MAN1C1: variants seen among roughly 807,000 people sequenced by gnomAD.
MAN1C1 encodes mannosyl-oligosaccharide 1,2-alpha-mannosidase IC.
In MAN1C1, 49 loss-of-function variants were observed where a neutral mutation model predicts 71.5. That is an observed-to-expected ratio of 0.69 (90% CI 0.54 to 0.87). The LOEUF (loss-of-function observed/expected upper bound fraction) is 0.87, where lower values mean the gene tolerates loss of function less well. Among genes scored for constraint, MAN1C1 ranks in the 40% least tolerant of loss-of-function variants. MAN1C1 has a pLI of 0.00. For missense variants in MAN1C1, 743 were observed against 835.0 expected, an observed-to-expected ratio of 0.89 and a Z score of 1.36; for synonymous variants, 352 against 343.7, an observed-to-expected ratio of 1.02 and a Z score of -0.27.
chr1:25,778,107 GAT>G lies in MAN1C1; in HGVS notation c.1262_1263del (p.Ile421ArgfsTer78), dbSNP rs1232914660. 6.5e-7 allele frequency: 1 copy of G among 1,548,140 alleles called. No homozygotes were observed. Among genetic ancestry groups the G allele is most frequent in the Non-Finnish European group, 8.8e-7 (1 of 1,141,936 alleles). On this transcript the variant is annotated frameshift_variant, in exon 9 of 12. Transcript: ENST00000374332. LOFTEE classifies it high-confidence loss of function. The surrounding 1 kb of genome is among the most constrained non-coding windows in gnomAD (Gnocchi z 5.5). Reference sequence around the variant, plus strand: ...CCCAATCCCCACCTTGCTCCCAGGCGATAGAGACCTACTTGCTGAATGTCTCT... The same window carrying G: ...CCCAATCCCCACCTTGCTCCCAGGCGAGAGACCTACTTGCTGAATGTCTCT... ...KNMYYEALEA[I>X]ETYLLNVSPG...
chr1:25,687,900 TTTC>T (rs1221304655), intron 2 of MAN1C1, among the ~76,000 whole-genome samples: 1 of 152,212 alleles, frequency 6.6e-6, no homozygotes, highest in African/African-American at 2.4e-5. Context: ...TTCTCAATCT[TTTC>T]TTCTTTCTGC....
At chr1:25,774,892 T>G (rs189083059) in intron 8 of MAN1C1, among the ~76,000 whole-genome samples, 377 of 152,288 alleles carry the variant, frequency 2.5e-3, no homozygotes, top group Non-Finnish European at 4.2e-3. Context: ...GATTTAAACC[T>G]TTTACCAGTC....
rs1311001014 is a variant in MAN1C1 at position 25,618,124 on chromosome 1, G to A, written c.327G>A (p.Leu109=). 8 of 1,516,066 alleles carry A rather than the reference G, an allele frequency of 5.3e-6. No homozygotes were observed. In the Admixed American group the frequency reaches 6.7e-5, roughly 13 times the overall value. The allele number at this position is 1,516,066 out of a possible 1,614,324, so 93.9% of individuals were successfully genotyped here. A position where few individuals can be genotyped will look rare whatever the true frequency, so the allele number is the denominator to read the frequency against. ...GTCCCCGCCGCAGGAAAGGGGGGCTGCGGCGCACCCGCCCCACTGGACCCC... is the reference window on the plus strand; with the variant it reads ...GTCCCCGCCGCAGGAAAGGGGGGCTACGGCGCACCCGCCCCACTGGACCCC... ...WASPRRRKGG[L]RRTRPTGPRE... is the part of the protein sequence containing the mutation. Residue 109 remains leucine (L), a synonymous_variant, in exon 1 of 12, where the codon CTG becomes CTA. Transcript: ENST00000374332.
At chr1:25,707,848 CCT>C (rs2046545431) in intron 2 of MAN1C1, among the ~76,000 whole-genome samples, 1 of 152,262 alleles carries the variant, frequency 6.6e-6, no homozygotes, top group South Asian at 2.1e-4. Context: ...GGGCCTGTAG[CCT>C]CTGTTTAGTC....
chr1:25,677,421 C>G (rs1557760917), intron 1 of MAN1C1, among the ~76,000 whole-genome samples: 2 of 151,960 alleles, frequency 1.3e-5, no homozygotes, highest in African/African-American at 2.4e-5. Flanking sequence ...GACACACACA[C>G]ACACACACAC....
intron 2 of MAN1C1, among the ~76,000 whole-genome samples, chr1:25,704,928 C>T (rs989174064): frequency 3.3e-5 from 5 of 152,228 alleles, no homozygotes; most frequent in African/African-American, 9.6e-5. Flanking sequence ...TTTTTAAGCT[C>T]CTCTCCTCCA....
chr1:25,751,248 T>A (rs902420743), intron 4 of MAN1C1, among the ~76,000 whole-genome samples: 2 of 152,108 alleles, frequency 1.3e-5, no homozygotes, highest in African/African-American at 4.8e-5. Context: ...CATCCATCTT[T>A]TCTTCTGTCC....
chr1:25,729,205 A>G (rs976336333), intron 2 of MAN1C1, among the ~76,000 whole-genome samples: 4 of 151,784 alleles, frequency 2.6e-5, no homozygotes, highest in African/African-American at 9.7e-5. Context: ...CCCGAAACCT[A>G]TGCTCCTCCC....
At chr1:25,669,887 G>A (rs1413045402) in intron 1 of MAN1C1, among the ~76,000 whole-genome samples, 1 of 152,142 alleles carries the variant, frequency 6.6e-6, no homozygotes, top group Non-Finnish European at 1.5e-5. Context: ...CATGAATGTT[G>A]GTAGTTCTCA....
intron 2 of MAN1C1, among the ~76,000 whole-genome samples, chr1:25,707,955 C>T (rs2046547209): frequency 1.3e-5 from 2 of 152,192 alleles, no homozygotes; most frequent in African/African-American, 4.8e-5. Flanking sequence ...TGTCAGAAGT[C>T]ATGAACTGGC....
intron 2 of MAN1C1, among the ~76,000 whole-genome samples, chr1:25,701,698 G>A (rs558605530): frequency 7.9e-5 from 12 of 152,334 alleles, no homozygotes; most frequent in South Asian, 4.1e-4. Flanking sequence ...TTCAAAGGGC[G>A]TGCGATGTGC....
chr1:25,720,286 A>G (rs2046746167), intron 2 of MAN1C1, among the ~76,000 whole-genome samples: 1 of 151,062 alleles, frequency 6.6e-6, no homozygotes, highest in South Asian at 2.1e-4. Flanking sequence ...ATCTCGGCTC[A>G]CTGCAACCTC....
rs749580897 is a variant in MAN1C1 at position 25,778,131 on chromosome 1, C to G, written c.1284C>G (p.Val428=). 2 of 1,575,992 alleles carry G rather than the reference C, an allele frequency of 1.3e-6. No homozygotes were observed. The highest frequency in any genetic ancestry group is 2.3e-5 in the South Asian group (2 of 87,136). Residue 428 remains valine, a synonymous_variant, in exon 9 of 12, where the codon GTC becomes GTG. Transcript: ENST00000374332. This position sits in a 1 kb window ranked among gnomAD's most constrained non-coding sequence, Gnocchi z 5.5. Reference sequence around the variant, plus strand: ...CGATAGAGACCTACTTGCTGAATGTCTCTCCCGGGGGGCTGACCTACATTG... The same window carrying G: ...CGATAGAGACCTACTTGCTGAATGTGTCTCCCGGGGGGCTGACCTACATTG... ...LEAIETYLLN[V]SPGGLTYIAE...
Position 25,783,663 on chromosome 1 carries a change from G to A in MAN1C1, c.1767G>A (p.Lys589=). Residue 589 remains lysine (K), a splice_region_variant and synonymous_variant, in exon 12 of 12, where the codon AAG becomes AAA. Coordinates refer to ENST00000374332, the MANE Select transcript of MAN1C1 (RefSeq NM_020379.4). ...CTTCCCTGCCCTGCGTGGGGCACAG[G>A]TATCTCTATCTTCTGTTCTCTGAAG... is the stretch of plus-strand genomic sequence containing the variant. The part of the protein sequence containing the change: ...QQSFFLAETL[K]YLYLLFSEDD... 4 of 1,611,914 alleles carry A rather than the reference G, an allele frequency of 2.5e-6. No individual in the cohort carries two copies. Among genetic ancestry groups the A allele is most frequent in the South Asian group, 1.1e-5 (1 of 91,072 alleles).
intron 6 of MAN1C1, 40 bp from the exon 7 acceptor site, chr1:25,763,834 C>T (rs142830161): frequency 1.0e-5 from 16 of 1,561,800 alleles, no homozygotes; most frequent in Non-Finnish European, 1.4e-5. Flanking sequence ...TCGGCTTCTT[C>T]GGAAGCATGA....
intron 2 of MAN1C1, among the ~76,000 whole-genome samples, 153 bp downstream of exon 2, chr1:25,686,689 C>T (rs2046236277): frequency 6.6e-6 from 1 of 152,166 alleles, no homozygotes; most frequent in African/African-American, 2.4e-5. Context: ...TTCCTCTGGG[C>T]TTTTCAGGCT....
intron 4 of MAN1C1, among the ~76,000 whole-genome samples, chr1:25,750,439 CAA>C (rs34187794): frequency 0.54 from 81,791 of 151,612 alleles, 24,131 homozygotes; most frequent in Middle Eastern, 0.78. Flanking sequence ...CACCCAGAGA[CAA>C]ATAATGATGC....
chr1:25,648,620 G>C (rs1450933740), intron 1 of MAN1C1, among the ~76,000 whole-genome samples: 1 of 152,216 alleles, frequency 6.6e-6, no homozygotes, highest in African/African-American at 2.4e-5. Flanking sequence ...CTCCCCAAGA[G>C]ACAAGCCCTC....
At chr1:25,642,721 T>C (rs2045554207) in intron 1 of MAN1C1, among the ~76,000 whole-genome samples, 1 of 152,126 alleles carries the variant, frequency 6.6e-6, no homozygotes, top group Non-Finnish European at 1.5e-5. Flanking sequence ...CTTCAAGGGG[T>C]GGACATTTAG....
Sources: allele counts gnomAD v4.1 joint callset (sites outside exome capture counted in the v4.1 genomes callset), GRCh38; gene constraint gnomAD v4.1.1; non-coding constraint Gnocchi (gnomAD v3.1); transcripts MANE v1.5; gene names NCBI Gene and HGNC (gene_info 2026-07-23, HGNC 2026-07-21).